The following PDZRN3 variants were observed in gnomAD, a reference collection of about 807,000 sequenced individuals.
The protein encoded by PDZRN3 is PDZ domain containing ring finger 3.
In PDZRN3, 38 loss-of-function variants were observed where a neutral mutation model predicts 85.7. That is an observed-to-expected ratio of 0.44 (90% confidence interval 0.34 to 0.58). The LOEUF (loss-of-function observed/expected upper bound fraction) is 0.58, where lower values mean the gene tolerates loss of function less well. Among genes scored for constraint, PDZRN3 ranks in the 20% least tolerant of loss-of-function variants. The pLI is 0.01. For synonymous variants in PDZRN3, 759 were observed against 638.0 expected (o/e 1.19, Z -2.86); for missense variants, 1,629 against 1,506.4 (o/e 1.08, Z -1.35).
chr3:73,537,991 A>C (rs1341733168), intron 3 of PDZRN3, among the ~76,000 whole-genome samples: 2 of 152,022 alleles, frequency 1.3e-5, no homozygotes, highest in East Asian at 3.9e-4. Flanking sequence ...CAATATCAGC[A>C]CCCAGTTTAA....
At chr3:73,529,225 G>T (rs924235535) in intron 3 of PDZRN3, among the ~76,000 whole-genome samples, 1 of 152,208 alleles carries the variant, frequency 6.6e-6, no homozygotes, top group African/African-American at 2.4e-5. Flanking sequence ...AATCTCAAGA[G>T]CTTGGTGGTC....
At chr3:73,532,881 T>A (rs1704691128) in intron 3 of PDZRN3, among the ~76,000 whole-genome samples, 1 of 152,230 alleles carries the variant, frequency 6.6e-6, no homozygotes, top group African/African-American at 2.4e-5. Context: ...TTCAAATTTA[T>A]CATTCAGCCC....
At chr3:73,470,990 C>T (rs1703326561) in intron 3 of PDZRN3, among the ~76,000 whole-genome samples, 1 of 152,146 alleles carries the variant, frequency 6.6e-6, no homozygotes, top group African/African-American at 2.4e-5. Context: ...TTGAAATGTG[C>T]CCCTCCACCC....
intron 3 of PDZRN3, among the ~76,000 whole-genome samples, chr3:73,526,934 C>T (rs184779694): frequency 2.0e-5 from 3 of 152,090 alleles, no homozygotes; most frequent in African/African-American, 4.8e-5. Context: ...CTGCAACCTC[C>T]GCCTCCTGGG....
intron 3 of PDZRN3, chr3:73,569,288 A>G (rs1216185991): frequency 1.6e-6 from 2 of 1,249,502 alleles, no homozygotes; most frequent in Non-Finnish European, 2.1e-6. Context: ...ATGAAGACTG[A>G]GATACTGAGA....
chr3:73,440,886 G>T (rs1410048189), intron 3 of PDZRN3, among the ~76,000 whole-genome samples: 2 of 152,134 alleles, frequency 1.3e-5, no homozygotes, highest in Admixed American at 6.5e-5. Flanking sequence ...CCGACCAGGG[G>T]GACGGTTCCT....
chr3:73,581,001 T>C (rs1247894550), intron 3 of PDZRN3, among the ~76,000 whole-genome samples: 1 of 152,248 alleles, frequency 6.6e-6, no homozygotes, highest in Non-Finnish European at 1.5e-5. Context: ...CAGCAACAGA[T>C]TTTATTTCAG....
intron 3 of PDZRN3, among the ~76,000 whole-genome samples, chr3:73,586,133 A>T (rs1194772485): frequency 6.6e-6 from 1 of 152,228 alleles, no homozygotes; most frequent in Non-Finnish European, 1.5e-5. Flanking sequence ...TATATTTTTT[A>T]AAAAGAGCAA....
chr3:73,483,078 T>C (rs993997322), intron 3 of PDZRN3, among the ~76,000 whole-genome samples: 1 of 152,136 alleles, frequency 6.6e-6, no homozygotes, highest in African/African-American at 2.4e-5. Flanking sequence ...GATAAAACTT[T>C]CTCCGTACTT....
intron 3 of PDZRN3, among the ~76,000 whole-genome samples, chr3:73,527,102 G>A (rs1168369144): frequency 6.6e-6 from 1 of 152,146 alleles, no homozygotes; most frequent in Non-Finnish European, 1.5e-5. Context: ...GCCTCCCAAA[G>A]TGCTGGGATT....
intron 3 of PDZRN3, among the ~76,000 whole-genome samples, chr3:73,437,194 A>T (rs1702547855): frequency 6.6e-6 from 1 of 152,198 alleles, no homozygotes; most frequent in Non-Finnish European, 1.5e-5. Flanking sequence ...AACCCATTAC[A>T]TAATAATATA....
At chr3:73,407,250 G>A (rs1701873728) in intron 3 of PDZRN3, among the ~76,000 whole-genome samples, 2 of 152,202 alleles carry the variant, frequency 1.3e-5, no homozygotes, top group Non-Finnish European at 2.9e-5. Context: ...CTCTAGACAA[G>A]TCATCTGCAT....
intron 1 of PDZRN3, among the ~76,000 whole-genome samples, chr3:73,610,238 TTACTCAATATATAAAA>T (rs1477079871): frequency 6.6e-6 from 1 of 152,180 alleles, no homozygotes. Flanking sequence ...TAAGAGTCAC[TTACTCAATATATAAAA>T]TACAGAATTA....
At chr3:73,444,759 T>C (rs1036054228) in intron 3 of PDZRN3, among the ~76,000 whole-genome samples, 11 of 152,220 alleles carry the variant, frequency 7.2e-5, no homozygotes, top group Admixed American at 2.0e-4. Context: ...CTTGGGGCCA[T>C]GCTTTTTGGT....
chr3:73,613,438 C>T (rs1163470815), intron 1 of PDZRN3, among the ~76,000 whole-genome samples: 2 of 152,086 alleles, frequency 1.3e-5, no homozygotes, highest in East Asian at 1.9e-4. Context: ...GACTAAGAAA[C>T]GGTGAACTTA....
chr3:73,435,740 G>T (rs1702518994), intron 3 of PDZRN3, among the ~76,000 whole-genome samples: 1 of 151,988 alleles, frequency 6.6e-6, no homozygotes, highest in Non-Finnish European at 1.5e-5. Context: ...CTCCTCTCCT[G>T]CCTACTCACC....
chr3:73,557,932 T>C (rs866303438), intron 3 of PDZRN3, among the ~76,000 whole-genome samples: 18 of 152,194 alleles, frequency 1.2e-4, no homozygotes, highest in African/African-American at 3.6e-4. Flanking sequence ...TTTTTTTCTA[T>C]GCATAAAAAG....
intron 3 of PDZRN3, among the ~76,000 whole-genome samples, chr3:73,542,087 A>T (rs1177904421): frequency 3.3e-5 from 5 of 152,190 alleles, no homozygotes; most frequent in Non-Finnish European, 7.3e-5. Context: ...CTGCAGAGGG[A>T]ACTATTAATG....
At chr3:73,478,165 C>A (rs1239463998) in intron 3 of PDZRN3, among the ~76,000 whole-genome samples, 2 of 152,162 alleles carry the variant, frequency 1.3e-5, no homozygotes, top group Non-Finnish European at 2.9e-5. Context: ...TGATCTAAAA[C>A]TTGGGGTTTC....
Sources: gnomAD v4.1 joint callset for allele counts (sites outside exome capture counted in the v4.1 genomes callset) on GRCh38, gnomAD v4.1.1 for gene constraint, MANE v1.5 for transcripts, NCBI Gene and HGNC (gene_info 2026-07-23, HGNC 2026-07-21) for gene names.